Variants in ARHGEF3 observed in about 807,000 individuals in gnomAD.
ARHGEF3 encodes 59.8 kDA protein.
A neutral mutation model predicts 63.2 loss-of-function variants in ARHGEF3; 28 were observed. The ratio of observed to expected loss-of-function variants is 0.44; its 90% CI spans 0.33 to 0.61. ARHGEF3 has a LOEUF of 0.61. ARHGEF3 is among the 20% of genes least tolerant of loss of function. The pLI is 0.03. For missense variants in ARHGEF3, 533 were observed against 659.3 expected, an observed-to-expected ratio of 0.81 and a Z score of 2.10; for synonymous variants, 266 against 254.2, an observed-to-expected ratio of 1.05 and a Z score of -0.44.
chr3:56,853,211 A>T (rs1304616357), intron 4 of ARHGEF3, among the ~76,000 whole-genome samples: 1 of 149,776 alleles, frequency 6.7e-6, no homozygotes, highest in Non-Finnish European at 1.5e-5. Flanking sequence ...TGGGGTGGTG[A>T]CAAGCCAAAA....
intron 2 of ARHGEF3, among the ~76,000 whole-genome samples, chr3:57,019,981 C>T (rs1703189670): frequency 6.6e-6 from 1 of 152,188 alleles, no homozygotes; most frequent in Non-Finnish European, 1.5e-5. Flanking sequence ...TCACTGCAAA[C>T]TCCACCTCCC....
chr3:56,852,893 C>G (rs769888579), intron 4 of ARHGEF3, among the ~76,000 whole-genome samples: 5 of 152,142 alleles, frequency 3.3e-5, no homozygotes, highest in Non-Finnish European at 5.9e-5. Context: ...CAAAAAGGAA[C>G]CTTGTCTGCT....
intron 2 of ARHGEF3, among the ~76,000 whole-genome samples, chr3:56,989,029 A>G (rs1352974783): frequency 6.6e-6 from 1 of 152,152 alleles, no homozygotes; most frequent in Non-Finnish European, 1.5e-5. Context: ...TCCTGCAGCC[A>G]CTGAACGTTT....
chr3:56,951,725 G>T (rs973402242), intron 3 of ARHGEF3, among the ~76,000 whole-genome samples: 30 of 151,854 alleles, frequency 2.0e-4, no homozygotes, highest in Non-Finnish European at 2.2e-4. Flanking sequence ...TTTCCTATTA[G>T]ATTTTCAAAT....
chr3:57,075,040 G>C (rs925796170), intron 1 of ARHGEF3: 3 of 167,098 alleles, frequency 1.8e-5, no homozygotes, highest in Non-Finnish European at 4.4e-5. Context: ...GAGTTGACTG[G>C]CCACACTGGG....
At chr3:56,803,692 A>G (rs1479873086), upstream of ARHGEF3, among the ~76,000 whole-genome samples, 1 of 151,976 alleles carries the variant, frequency 6.6e-6, no homozygotes, top group Non-Finnish European at 1.5e-5. Context: ...AGTCTCAGCT[A>G]ATCCCGAGGT....
upstream of ARHGEF3, chr3:56,801,951 G>C (rs1266124071): frequency 1.3e-6 from 2 of 1,533,534 alleles, no homozygotes; most frequent in South Asian, 2.4e-5. Flanking sequence ...GACTCGACTG[G>C]GCTCCGGAGC....
intron 2 of ARHGEF3, among the ~76,000 whole-genome samples, chr3:56,967,482 T>C (rs1176378631): frequency 1.1e-5 from 1 of 88,948 alleles, no homozygotes; most frequent in African/African-American, 4.6e-5. Context: ...ATATATTATA[T>C]AATATATTAA....
At chr3:56,829,033 T>A (rs1172927400) in intron 4 of ARHGEF3, among the ~76,000 whole-genome samples, 2 of 152,144 alleles carry the variant, frequency 1.3e-5, no homozygotes, top group African/African-American at 4.8e-5. Context: ...TTCAAGCGAT[T>A]CTCCTGCTTA....
At chr3:56,752,456 G>A (rs1386341240) in intron 4 of ARHGEF3, among the ~76,000 whole-genome samples, 1 of 152,234 alleles carries the variant, frequency 6.6e-6, no homozygotes, top group Non-Finnish European at 1.5e-5. Context: ...AATTAAAGCT[G>A]GAGTGGCCAA....
intron 1 of ARHGEF3, among the ~76,000 whole-genome samples, chr3:57,058,042 C>T (rs545049034): frequency 2.2e-4 from 33 of 152,312 alleles, no homozygotes; most frequent in African/African-American, 7.9e-4. Flanking sequence ...GGCTTTAACC[C>T]TTCAGTCGTG....
intron 2 of ARHGEF3, among the ~76,000 whole-genome samples, chr3:57,026,655 G>T (rs1703487689): frequency 6.6e-6 from 1 of 152,160 alleles, no homozygotes; most frequent in Non-Finnish European, 1.5e-5. Flanking sequence ...ACAGGGCCGG[G>T]GGAGCATCCT....
intron 1 of ARHGEF3, chr3:57,035,275 G>C: frequency 1.7e-6 from 1 of 588,950 alleles, no homozygotes; most frequent in Non-Finnish European, 2.7e-6. Context: ...ATATATCAAG[G>C]GTTACCCAGT....
intron 2 of ARHGEF3, among the ~76,000 whole-genome samples, chr3:57,006,473 C>T (rs1345014568): frequency 1.3e-5 from 2 of 152,206 alleles, no homozygotes; most frequent in Non-Finnish European, 2.9e-5. Context: ...CCACTGTCCA[C>T]AAGCTTCTTC....
At chr3:56,793,052 G>T (rs979486239) in intron 1 of ARHGEF3, among the ~76,000 whole-genome samples, 2 of 151,964 alleles carry the variant, frequency 1.3e-5, no homozygotes, top group African/African-American at 4.8e-5. Flanking sequence ...TGCCCAGGCG[G>T]CAGTGCAGTA....
At chr3:56,992,024 C>CTGTGTGTGTGTG (rs58860849) in intron 2 of ARHGEF3, among the ~76,000 whole-genome samples, 4 of 131,636 alleles carry the variant, frequency 3.0e-5, no homozygotes, top group African/African-American at 1.2e-4. Context: ...CCTCCTCTCT[C>CTGTGTGTGTGTG]TGTGTGTGTG....
intron 1 of ARHGEF3, chr3:56,775,240 C>A: frequency 4.6e-6 from 6 of 1,304,796 alleles, no homozygotes; most frequent in Non-Finnish European, 4.9e-6. Context: ...ATAGTAGGTG[C>A]CTGGAAAAAT....
Position 56,989,874 on chromosome 3 carries a change from C to T in ARHGEF3, c.63-30985G>A, listed in dbSNP as rs114862814. Among the ~76,000 whole-genome samples the T allele has an allele frequency of 7.1e-3, 1,089 of 152,346 alleles. 11 individuals carry two copies. The highest frequency in any genetic ancestry group is 0.025 in the African/African-American group (1,037 of 41,578). On this transcript the variant is annotated intron_variant, in intron 2 of 12. Coordinates refer to the ARHGEF3 transcript ENST00000338458. ...CAAGATGTCCCCATTGTGAACTTGA[C>T]TTTCCTCCTCTGGAACAATAATGGG...
In ARHGEF3 at chr3:56,801,189, C is replaced by G. The variant is rs368321013; in HGVS notation, c.96+514G>C. 2.9e-4 allele frequency among the ~76,000 whole-genome samples: 44 copies of G among 152,336 alleles called. 1 individual carries two copies. In the South Asian group the frequency reaches 8.7e-3, roughly 30 times the overall value. ...ACTGGCCACAGGTGATAGGCAGAGG[C>G]GCTGTGTCCTGTTTTTGCTGCCAAA... On this transcript the variant is annotated intron_variant, in intron 1 of 9. Transcript: ENST00000296315.
Sources: gnomAD v4.1 joint callset for allele counts (sites outside exome capture counted in the v4.1 genomes callset) on GRCh38, gnomAD v4.1.1 for gene constraint, MANE v1.5 for transcripts, NCBI Gene and HGNC (gene_info 2026-07-23, HGNC 2026-07-21) for gene names.